CACNA2D3: variants seen among roughly 807,000 people sequenced by gnomAD.
The protein encoded by CACNA2D3 is calcium voltage-gated channel auxiliary subunit alpha2delta 3, also known as voltage-dependent calcium channel subunit alpha-2/delta-3.
CACNA2D3 carries 60 observed loss-of-function variants against 160.6 expected under a neutral mutation model. The ratio of observed to expected loss-of-function variants is 0.37; its 90% CI spans 0.30 to 0.46. The LOEUF (loss-of-function observed/expected upper bound fraction) is 0.46, where lower values mean the gene tolerates loss of function less well. Among genes scored for constraint, CACNA2D3 ranks in the 20% least tolerant of loss-of-function variants. The pLI, the probability that CACNA2D3 is intolerant of heterozygous loss-of-function variation, is 1.00. For synonymous variants in CACNA2D3, 558 were observed against 492.9 expected (o/e 1.13, Z -1.75); for missense variants, 1,205 against 1,365.0 (o/e 0.88, Z 1.85).
At chr3:54,983,633 A>G (rs575630445) in intron 29 of CACNA2D3, among the ~76,000 whole-genome samples, 2 of 152,200 alleles carry the variant, frequency 1.3e-5, no homozygotes, top group African/African-American at 4.8e-5. Context: ...ACTGTCTAGT[A>G]ATAAAGGACG....
rs376151290 is a variant in CACNA2D3, at chr3:54,879,046, C to G, written c.1739C>G (p.Thr580Arg). 6 of 1,605,094 alleles carry G rather than the reference C, an allele frequency of 3.7e-6. No homozygotes were observed. In the East Asian group the frequency reaches 8.9e-5, roughly 24 times the overall value. The change falls in exon 19 of 38, where the codon ACG (threonine) becomes AGG (arginine). Residue 580 changes from threonine to arginine, a missense_variant. By Grantham distance (71) the Thr-to-Arg change is moderately conservative. Around this residue, in one of 3 missense-constraint regions of CACNA2D3, gnomAD observed 911 missense variants for 1,002.2 expected, o/e 0.91. Coordinates refer to ENST00000474759, the MANE Select transcript of CACNA2D3 (RefSeq NM_018398.3). The stretch of plus-strand genomic sequence containing the variant: ...AGAAATGCTATGGTGAATCGAAAGA[C>G]GGGGAAGTTTTCCATGGAGGTGAAG... ...VLRNAMVNRK[T>R]GKFSMEVKKT... is the part of the protein sequence containing the mutation.
chr3:54,419,333 C>T (rs569861588), intron 4 of CACNA2D3, among the ~76,000 whole-genome samples: 1 of 152,318 alleles, frequency 6.6e-6, no homozygotes, highest in Non-Finnish European at 1.5e-5. Flanking sequence ...GAACAAAAGA[C>T]CTGGAACAGT....
intron 2 of CACNA2D3, among the ~76,000 whole-genome samples, chr3:54,196,202 A>T (rs1019033465): frequency 6.6e-6 from 1 of 152,174 alleles, no homozygotes; most frequent in Non-Finnish European, 1.5e-5. Flanking sequence ...TTTGCCTTTG[A>T]TTCTCTTTTA....
At chr3:54,294,774 C>T (rs1030763860) in intron 2 of CACNA2D3, among the ~76,000 whole-genome samples, 2 of 152,154 alleles carry the variant, frequency 1.3e-5, no homozygotes, top group African/African-American at 4.8e-5. Flanking sequence ...CTGGAGATTG[C>T]CTGGACTGCA....
At chr3:54,831,253 G>A (rs1219362058) in intron 14 of CACNA2D3, among the ~76,000 whole-genome samples, 1 of 152,156 alleles carries the variant, frequency 6.6e-6, no homozygotes, top group Non-Finnish European at 1.5e-5. Flanking sequence ...AAACCACCTG[G>A]CAGTCCTCAA....
intron 9 of CACNA2D3, among the ~76,000 whole-genome samples, chr3:54,590,865 G>C (rs1055423158): frequency 7.2e-5 from 11 of 152,258 alleles, no homozygotes; most frequent in Non-Finnish European, 1.5e-4. Flanking sequence ...TCAAATTAGT[G>C]TGAACGGTTG....
intron 27 of CACNA2D3, among the ~76,000 whole-genome samples, chr3:54,952,647 C>T (rs753171842): frequency 5.9e-5 from 9 of 152,154 alleles, no homozygotes; most frequent in Admixed American, 1.3e-4. Flanking sequence ...TTTTCTGCTT[C>T]TATTCTGAAG....
At chr3:54,962,898 C>T (rs1456718925) in intron 27 of CACNA2D3, among the ~76,000 whole-genome samples, 1 of 152,088 alleles carries the variant, frequency 6.6e-6, no homozygotes, top group Admixed American at 6.6e-5. Flanking sequence ...GCCAACCCCA[C>T]AGGAAATTAT....
At chr3:54,498,617 G>T (rs1039960536) in intron 4 of CACNA2D3, among the ~76,000 whole-genome samples, 2 of 151,532 alleles carry the variant, frequency 1.3e-5, no homozygotes, top group African/African-American at 4.8e-5. Context: ...TTAACATTGA[G>T]TTTCATTTAT....
chr3:54,479,732 G>A (rs1212604115), intron 4 of CACNA2D3, among the ~76,000 whole-genome samples: 1 of 152,102 alleles, frequency 6.6e-6, no homozygotes, highest in Non-Finnish European at 1.5e-5. Flanking sequence ...ACAGTTTCAT[G>A]GAAAGAAGTT....
intron 2 of CACNA2D3, among the ~76,000 whole-genome samples, chr3:54,213,447 C>CT (rs1264058585): frequency 6.6e-6 from 1 of 152,230 alleles, no homozygotes; most frequent in East Asian, 1.9e-4. Flanking sequence ...CAATTGCTCT[C>CT]TCAGTATTCT....
chr3:54,564,515 AAC>A (rs1702378472), intron 6 of CACNA2D3, among the ~76,000 whole-genome samples: 1 of 152,188 alleles, frequency 6.6e-6, no homozygotes, highest in African/African-American at 2.4e-5. Flanking sequence ...CTTGGTTCTG[AAC>A]ACAGAGCATA....
At chr3:54,868,219 A>G (rs967689931) in intron 17 of CACNA2D3, among the ~76,000 whole-genome samples, 5 of 152,212 alleles carry the variant, frequency 3.3e-5, no homozygotes, top group African/African-American at 1.2e-4. Context: ...ACTCTGCTGC[A>G]TGACTGTTTA....
chr3:54,714,653 A>T (rs1701017995), intron 11 of CACNA2D3, among the ~76,000 whole-genome samples: 1 of 152,180 alleles, frequency 6.6e-6, no homozygotes, highest in South Asian at 2.1e-4. Flanking sequence ...TTTTACAATC[A>T]TAGACTATTT....
intron 5 of CACNA2D3, among the ~76,000 whole-genome samples, chr3:54,541,280 A>G (rs1361950046): frequency 2.4e-4 from 2 of 8,360 alleles, no homozygotes; most frequent in Non-Finnish European, 4.6e-4. Context: ...CCGTCTCAGA[A>G]AAAAAAAAAA....
At chr3:54,669,489 G>A (rs1700121287) in intron 11 of CACNA2D3, among the ~76,000 whole-genome samples, 1 of 152,164 alleles carries the variant, frequency 6.6e-6, no homozygotes, top group South Asian at 2.1e-4. Context: ...AGCCAAAATT[G>A]AATTAAAGAG....
chr3:54,252,723 A>C (rs1702219210), intron 2 of CACNA2D3, among the ~76,000 whole-genome samples: 1 of 152,070 alleles, frequency 6.6e-6, no homozygotes. Flanking sequence ...GTGTCCCCCC[A>C]GCTTGTTTGT....
chr3:54,376,535 G>A (rs1238674370), intron 3 of CACNA2D3, among the ~76,000 whole-genome samples: 1 of 152,186 alleles, frequency 6.6e-6, no homozygotes, highest in African/African-American at 2.4e-5. Context: ...CAGGCAGTGT[G>A]AAGCTCAATA....
At chr3:54,141,078 T>C (rs1456940031) in intron 2 of CACNA2D3, among the ~76,000 whole-genome samples, 2 of 121,214 alleles carry the variant, frequency 1.6e-5, no homozygotes, top group Admixed American at 8.5e-5. Context: ...TGTGTGTGTG[T>C]GTGTGTGTGC....
Sources: allele counts gnomAD v4.1 joint callset (sites outside exome capture counted in the v4.1 genomes callset), GRCh38; gene constraint gnomAD v4.1.1; regional missense constraint gnomAD v4.1.1; transcripts MANE v1.5; gene names NCBI Gene and HGNC (gene_info 2026-07-23, HGNC 2026-07-21).